EHD4: variants seen among roughly 807,000 people sequenced by gnomAD.
The protein encoded by EHD4 is EH domain containing 4, also known as EH domain-containing protein 4.
EHD4 carries 37 observed loss-of-function variants against 51.0 expected under a neutral mutation model. The ratio of observed to expected loss-of-function variants is 0.73; its 90% CI spans 0.56 to 0.95. The LOEUF (loss-of-function observed/expected upper bound fraction) is 0.95, where lower values mean the gene tolerates loss of function less well. EHD4 is among the 40% of genes least tolerant of loss of function. The probability of loss-of-function intolerance (pLI) is 0.00; values close to 1 mark genes in which losing one functional copy is unlikely to be tolerated. For missense variants in EHD4, 632 were observed against 733.1 expected (o/e 0.86, Z 1.59); for synonymous variants, 297 against 317.3 (o/e 0.94, Z 0.68).
intron 5 of EHD4, among the ~76,000 whole-genome samples, chr15:41,901,603 GGCAGAGTCAAA>G (rs2067478335): frequency 1.3e-5 from 2 of 152,216 alleles, no homozygotes; most frequent in South Asian, 2.1e-4. Flanking sequence ...GGGGCTGTCT[GGCAGAGTCAAA>G]GCAGAGCCCC....
At chr15:41,917,965 TC>T (rs1264049771) in intron 4 of EHD4, among the ~76,000 whole-genome samples, 3 of 151,952 alleles carry the variant, frequency 2.0e-5, no homozygotes, top group African/African-American at 7.3e-5. Context: ...GACATCGAGG[TC>T]CTGTGTGAGG....
intron 3 of EHD4, among the ~76,000 whole-genome samples, chr15:41,937,435 G>A (rs1005880678): frequency 2.0e-5 from 3 of 152,182 alleles, no homozygotes; most frequent in Admixed American, 6.5e-5. Context: ...TTGTCTGCAC[G>A]CTGGCCTACA....
chr15:41,968,207 T>C (rs765725279), intron 1 of EHD4, among the ~76,000 whole-genome samples: 1 of 152,190 alleles, frequency 6.6e-6, no homozygotes, highest in Non-Finnish European at 1.5e-5. Flanking sequence ...CCCATAAACC[T>C]TGTCTGCACC....
intron 2 of EHD4, among the ~76,000 whole-genome samples, chr15:41,945,031 A>G (rs2067802293): frequency 6.6e-6 from 1 of 152,172 alleles, no homozygotes; most frequent in South Asian, 2.1e-4. Context: ...TCAATTCTCT[A>G]GAATTGGGGT....
Position 41,909,775 on chromosome 15 carries a change from A to G in EHD4, c.1013T>C (p.Leu338Pro), listed in dbSNP as rs766436418. The stretch of plus-strand genomic sequence containing the variant: ...CTGTAGCTGAATGTAGATTTCCGGT[A>G]GCCTGCTGATAAGCTCTCTCTTCTT... ...ENKKRELISR[L>P]PEIYIQLQRE... The change falls in exon 5 of 6, where the codon CTA becomes CCA. Residue 338 changes from leucine (L) to proline (P), a missense_variant. Coordinates refer to ENST00000220325, the MANE Select transcript of EHD4 (RefSeq NM_139265.4). 1 of 1,614,224 alleles carries G rather than the reference A, an allele frequency of 6.2e-7. No individual in the cohort carries two copies. Among genetic ancestry groups the G allele is most frequent in the Non-Finnish European group, 8.5e-7 (1 of 1,180,048 alleles).
intron 2 of EHD4, among the ~76,000 whole-genome samples, chr15:41,948,764 C>T (rs998898648): frequency 3.9e-5 from 6 of 152,128 alleles, no homozygotes; most frequent in African/African-American, 1.4e-4. Context: ...CACAGTGTCT[C>T]ATGCCTGTAA....
intron 3 of EHD4, among the ~76,000 whole-genome samples, chr15:41,928,041 G>C (rs986232033): frequency 6.6e-6 from 1 of 152,074 alleles, no homozygotes; most frequent in Admixed American, 6.6e-5. Context: ...GGATCGCTCA[G>C]GTATTATAAA....
chr15:41,909,370 C>A (rs1448056572), intron 5 of EHD4, among the ~76,000 whole-genome samples: 1 of 152,238 alleles, frequency 6.6e-6, no homozygotes. Context: ...CTGAAGGCCA[C>A]TCCCAGCTGT....
intron 3 of EHD4, chr15:41,928,260 G>C (rs982490584): frequency 2.0e-5 from 3 of 152,202 alleles, no homozygotes; most frequent in African/African-American, 7.2e-5. Context: ...CTACATTCCT[G>C]CACTGCCCTG....
intron 1 of EHD4, among the ~76,000 whole-genome samples, chr15:41,961,533 A>T (rs1217491489): frequency 6.6e-6 from 1 of 152,176 alleles, no homozygotes; most frequent in Non-Finnish European, 1.5e-5. Context: ...TGACTATGGA[A>T]CCCTTTTATT....
rs190439698 is a variant in EHD4, at chr15:41,899,406, C to T, written c.*1239G>A. 67 of 151,836 alleles carry T rather than the reference C, an allele frequency of 4.4e-4. No homozygotes were observed. Among genetic ancestry groups the T allele is most frequent in the African/African-American group, 1.5e-3 (64 of 41,358 alleles). 9.4% of individuals were successfully genotyped at this position (151,836 alleles called of 1,614,324 possible). On this transcript the variant is annotated 3_prime_UTR_variant, in exon 6 of 6. Transcript: ENST00000220325. The stretch of plus-strand genomic sequence containing the variant: ...ACAGGTATGTGCCCGAATCCTGCCT[C>T]GTGATGGGCATTCATGATACGAACC...
chr15:41,918,947 C>T (rs1244627554), intron 4 of EHD4, among the ~76,000 whole-genome samples: 6 of 152,258 alleles, frequency 3.9e-5, no homozygotes, highest in Admixed American at 2.6e-4. Context: ...CACTGACCAA[C>T]TGTCACCCCA....
chr15:41,925,500 G>A (rs972186214), intron 3 of EHD4, among the ~76,000 whole-genome samples: 2 of 152,214 alleles, frequency 1.3e-5, no homozygotes, highest in Non-Finnish European at 2.9e-5. Flanking sequence ...ATGTACTAGT[G>A]TGTGTTGTGG....
chr15:41,935,065 C>T (rs1215899242), intron 3 of EHD4, among the ~76,000 whole-genome samples: 1 of 152,198 alleles, frequency 6.6e-6, no homozygotes, highest in Non-Finnish European at 1.5e-5. Flanking sequence ...TCCCTAGCCT[C>T]TGCCTTCCCC....
At chr15:41,923,382 C>T (rs1035446011) in intron 3 of EHD4, among the ~76,000 whole-genome samples, 3 of 152,176 alleles carry the variant, frequency 2.0e-5, no homozygotes, top group Non-Finnish European at 4.4e-5. Flanking sequence ...GCGGCAAATA[C>T]CTAGCTACCC....
At chr15:41,969,267 T>C (rs2250635) in intron 1 of EHD4, among the ~76,000 whole-genome samples, 27,810 of 152,176 alleles carry the variant, frequency 0.18, 3,484 homozygotes, top group African/African-American at 0.35. Context: ...TAGTTTGGGA[T>C]GGGGCGCGGT....
chr15:41,953,704 A>G (rs1334585590), intron 2 of EHD4, 60 bp downstream of exon 2: 4 of 1,501,700 alleles, frequency 2.7e-6, no homozygotes, highest in Non-Finnish European at 3.6e-6. Flanking sequence ...TGTAACTGGC[A>G]GTAATTCAAA....
intron 4 of EHD4, among the ~76,000 whole-genome samples, chr15:41,911,740 C>T (rs2067550911): frequency 6.6e-6 from 1 of 152,152 alleles, no homozygotes; most frequent in South Asian, 2.1e-4. Flanking sequence ...GCTCAGTCTC[C>T]CAAACACAAG....
chr15:41,922,114 C>CA (rs1761209018), intron 3 of EHD4, among the ~76,000 whole-genome samples: 1 of 152,170 alleles, frequency 6.6e-6, no homozygotes, highest in African/African-American at 2.4e-5. Flanking sequence ...TAAGGCTGGG[C>CA]ACGGTGGCTA....
Sources: allele counts gnomAD v4.1 joint callset (sites outside exome capture counted in the v4.1 genomes callset), GRCh38; gene constraint gnomAD v4.1.1; transcripts MANE v1.5; gene names NCBI Gene and HGNC (gene_info 2026-07-23, HGNC 2026-07-21).